The following CFAP184 variants were observed in gnomAD, a reference collection of about 807,000 sequenced individuals.
CFAP184 encodes cilia and flagella associated protein 184.
the CFAP184 span, chr4:7,042,730 G>T: frequency 2.0e-6 from 3 of 1,519,220 alleles, no homozygotes; most frequent in Non-Finnish European, 1.8e-6. Context: ...TAGCCCTTTC[G>T]GGGCCTCGGC....
chr4:7,041,296 TC>T, the CFAP184 span: 4 of 1,604,336 alleles, frequency 2.5e-6, no homozygotes, highest in East Asian at 6.7e-5. Context: ...GGCTTTGGCC[TC>T]CCTGATCTTC....
At chr4:7,042,541 G>T in the CFAP184 span, 1 of 1,591,134 alleles carries the variant, frequency 6.3e-7, no homozygotes. Context: ...CTTCCCCTCT[G>T]CCGCCTGCTC....
At chr4:7,042,713 C>T in the CFAP184 span, 38 of 1,514,536 alleles carry the variant, frequency 2.5e-5, no homozygotes, top group South Asian at 4.7e-4. Context: ...GCAGCCTCGG[C>T]TGCCGTTAGC....
the CFAP184 span, chr4:7,041,290 T>C: frequency 1.2e-6 from 2 of 1,600,918 alleles, no homozygotes; most frequent in South Asian, 2.2e-5. Flanking sequence ...GAGAAAGGCT[T>C]TGGCCTCCCT....
At chr4:7,041,243 G>A in the CFAP184 span, 2 of 1,538,834 alleles carry the variant, frequency 1.3e-6, no homozygotes, top group Non-Finnish European at 1.7e-6. Flanking sequence ...AGGATGAAGT[G>A]TTTTGCAGAC....
At chr4:7,042,422 C>T in the CFAP184 span, 15 of 1,612,092 alleles carry the variant, frequency 9.3e-6, no homozygotes, top group Non-Finnish European at 1.3e-5. Context: ...TGCGTCTCCT[C>T]CTTGTCCTCT....
At chr4:7,041,934 C>T in the CFAP184 span, 1 of 1,612,922 alleles carries the variant, frequency 6.2e-7, no homozygotes, top group Non-Finnish European at 8.5e-7. Context: ...TCACCACCTG[C>T]TTCTTGAGTG....
the CFAP184 span, chr4:7,042,565 C>T: frequency 1.3e-6 from 2 of 1,563,374 alleles, no homozygotes; most frequent in South Asian, 1.2e-5. Context: ...TTCCTCCGCC[C>T]CCGCCTCCGC....
the CFAP184 span, chr4:7,041,660 C>T: frequency 6.2e-7 from 1 of 1,614,232 alleles, no homozygotes; most frequent in Non-Finnish European, 8.5e-7. Context: ...AAAAGTTCCT[C>T]ATTTCGTTCC....
the CFAP184 span, chr4:7,042,404 C>T: frequency 2.9e-5 from 47 of 1,612,066 alleles, no homozygotes; most frequent in Admixed American, 5.0e-5. Context: ...CTCTCCGCGC[C>T]GTCTCTCTGC....
the CFAP184 span, chr4:7,041,391 G>A: frequency 6.2e-7 from 1 of 1,614,106 alleles, no homozygotes; most frequent in African/African-American, 1.3e-5. Context: ...GTTCGGTCTT[G>A]TCCACCTTTT....
At chr4:7,041,506 A>C in the CFAP184 span, 59 of 1,614,120 alleles carry the variant, frequency 3.7e-5, no homozygotes, top group African/African-American at 7.3e-4. Context: ...CGTCTTGGTC[A>C]GGATGTCTCT....
At chr4:7,042,593 C>T in the CFAP184 span, 3 of 1,534,430 alleles carry the variant, frequency 2.0e-6, no homozygotes, top group Non-Finnish European at 2.6e-6. Context: ...TCCTCGGGCC[C>T]GGCTCCGGGC....
the CFAP184 span, chr4:7,042,437 C>A: frequency 1.9e-6 from 3 of 1,611,744 alleles, no homozygotes; most frequent in Non-Finnish European, 2.5e-6. Flanking sequence ...TCCTCTTCCT[C>A]CCCCTCCACC....
chr4:7,041,292 G>T, the CFAP184 span: 1 of 1,601,482 alleles, frequency 6.2e-7, no homozygotes, highest in Non-Finnish European at 8.5e-7. Flanking sequence ...GAAAGGCTTT[G>T]GCCTCCCTGA....
At chr4:7,042,670 G>T in the CFAP184 span, 8 of 1,503,652 alleles carry the variant, frequency 5.3e-6, no homozygotes, top group African/African-American at 9.8e-5. Context: ...GGGCTCGGCC[G>T]GCCTCCCCGG....
the CFAP184 span, chr4:7,041,603 C>A: frequency 1.2e-6 from 2 of 1,614,230 alleles, no homozygotes; most frequent in East Asian, 2.2e-5. Flanking sequence ...TTTTCCTTCA[C>A]GTGGGTTATT....
At chr4:7,042,906 G>A in the CFAP184 span, 1 of 1,548,472 alleles carries the variant, frequency 6.5e-7, no homozygotes, top group Middle Eastern at 1.7e-4. Flanking sequence ...CTTCCCCGCC[G>A]GGGTCCTTAG....
At chr4:7,042,530 C>A in the CFAP184 span, 5 of 1,599,120 alleles carry the variant, frequency 3.1e-6, no homozygotes, top group Non-Finnish European at 4.3e-6. Context: ...AACCTGACTT[C>A]CTTCCCCTCT....
Sources: allele counts gnomAD v4.1 joint callset, GRCh38; gene constraint gnomAD v4.1.1; transcripts MANE v1.5; gene names NCBI Gene and HGNC (gene_info 2026-07-23, HGNC 2026-07-21).